Variants in CHRM2 observed in about 807,000 individuals in gnomAD.
CHRM2 encodes the protein muscarinic acetylcholine receptor M2.
In CHRM2, 8 loss-of-function variants were observed where a neutral mutation model predicts 25.0. The ratio of observed to expected loss-of-function variants is 0.32; its 90% confidence interval spans 0.19 to 0.58. The LOEUF (loss-of-function observed/expected upper bound fraction) is 0.58, where lower values mean the gene tolerates loss of function less well. Among genes scored for constraint, CHRM2 ranks in the 20% least tolerant of loss-of-function variants. The probability of loss-of-function intolerance (pLI) is 0.88; values close to 1 mark genes in which losing one functional copy is unlikely to be tolerated. For missense variants in CHRM2, 440 were observed against 567.1 expected (o/e 0.78, Z 2.28); for synonymous variants, 202 against 205.7 (o/e 0.98, Z 0.15).
chr7:136,901,539 T>C (rs1797206939), intron 2 of CHRM2, among the ~76,000 whole-genome samples: 1 of 152,008 alleles, frequency 6.6e-6, no homozygotes, highest in East Asian at 1.9e-4. Flanking sequence ...TCACCCGATC[T>C]TGTAGTGCAG....
At chr7:136,914,385 T>G (rs141780859) in intron 2 of CHRM2, 87 of 152,058 alleles carry the variant, frequency 5.7e-4, no homozygotes, top group African/African-American at 2.0e-3. Context: ...AGCCTGCCTA[T>G]TTCAGAGAAG....
intron 2 of CHRM2, among the ~76,000 whole-genome samples, chr7:136,971,431 C>G (rs1292392887): frequency 6.6e-6 from 1 of 151,998 alleles, no homozygotes; most frequent in East Asian, 1.9e-4. Context: ...GCCTGACCAA[C>G]ACGGTGAAAC....
intron 2 of CHRM2, among the ~76,000 whole-genome samples, chr7:136,966,724 T>TTA (rs1554427026): frequency 1.3e-5 from 2 of 151,826 alleles, no homozygotes; most frequent in East Asian, 1.9e-4. Flanking sequence ...TTTTTTTTTT[T>TTA]ACATAGTACT....
At chr7:136,930,873 G>C (rs1328364697) in intron 2 of CHRM2, among the ~76,000 whole-genome samples, 2 of 134,842 alleles carry the variant, frequency 1.5e-5, no homozygotes, top group Non-Finnish European at 3.1e-5. Flanking sequence ...CTCCAGCCTG[G>C]GCTACAGAGC....
intron 2 of CHRM2, among the ~76,000 whole-genome samples, chr7:136,890,876 T>C: frequency 6.6e-6 from 1 of 152,172 alleles, no homozygotes; most frequent in Non-Finnish European, 1.5e-5. Context: ...TTTGTATATA[T>C]GTGTATGTGT....
In CHRM2 at chr7:137,017,630, C is replaced by T. The variant is rs1805254825; in HGVS notation, c.*1364C>T. 6.6e-6 allele frequency: 1 copy of T among 151,936 alleles called. No homozygotes were observed. Among genetic ancestry groups the T allele is most frequent in the Admixed American group, 6.6e-5 (1 of 15,214 alleles). 9.4% of individuals were successfully genotyped at this position (151,936 alleles called of 1,614,324 possible). The stretch of plus-strand genomic sequence containing the variant: ...ATATTCCTCAAATTGTCAATTCTCC[C>T]TAACATTATTTAACTTCAAAATTCT... On this transcript the variant is annotated 3_prime_UTR_variant, in exon 4 of 4. Coordinates refer to ENST00000680005, the MANE Select transcript of CHRM2 (RefSeq NM_001006630.2).
intron 2 of CHRM2, among the ~76,000 whole-genome samples, chr7:136,973,852 G>A (rs1279203680): frequency 6.6e-6 from 1 of 151,984 alleles, no homozygotes; most frequent in African/African-American, 2.4e-5. Flanking sequence ...ATGGTTCTTG[G>A]GATGATTTTA....
intron 2 of CHRM2, among the ~76,000 whole-genome samples, chr7:136,954,603 G>A (rs999870033): frequency 6.6e-6 from 1 of 152,100 alleles, no homozygotes; most frequent in Non-Finnish European, 1.5e-5. Context: ...CATGAACAGT[G>A]AGTTCATGGA....
chr7:136,976,220 A>T (rs555002152), intron 2 of CHRM2, among the ~76,000 whole-genome samples: 1 of 152,266 alleles, frequency 6.6e-6, no homozygotes, highest in African/African-American at 2.4e-5. Context: ...ATTGTGGCCT[A>T]TGAAGTATTG....
At chr7:136,984,388 G>T (rs994915930) in intron 2 of CHRM2, among the ~76,000 whole-genome samples, 3 of 152,062 alleles carry the variant, frequency 2.0e-5, no homozygotes, top group Non-Finnish European at 4.4e-5. Context: ...CGTGGGTGTG[G>T]GATTTACTGA....
At chr7:137,006,613 T>C (rs1804444379) in intron 3 of CHRM2, among the ~76,000 whole-genome samples, 1 of 152,146 alleles carries the variant, frequency 6.6e-6, no homozygotes, top group African/African-American at 2.4e-5. Context: ...CAGTTTGCTT[T>C]ATCAGCTACT....
intron 2 of CHRM2, among the ~76,000 whole-genome samples, chr7:136,922,122 C>T (rs1283372336): frequency 6.6e-6 from 1 of 152,144 alleles, no homozygotes; most frequent in African/African-American, 2.4e-5. Context: ...CAACTGACCC[C>T]TGGGAGATGC....
At chr7:136,944,518 C>A (rs181430919) in intron 2 of CHRM2, among the ~76,000 whole-genome samples, 1 of 151,538 alleles carries the variant, frequency 6.6e-6, no homozygotes, top group African/African-American at 2.4e-5. Flanking sequence ...TACATATATA[C>A]GTGTGTGTGT....
intron 2 of CHRM2, among the ~76,000 whole-genome samples, chr7:136,923,030 G>A (rs1798537102): frequency 6.6e-6 from 1 of 152,102 alleles, no homozygotes; most frequent in Non-Finnish European, 1.5e-5. Context: ...CATGTTAAAT[G>A]CTTAGCAAAT....
intron 2 of CHRM2, among the ~76,000 whole-genome samples, chr7:136,940,404 T>C (rs1206962907): frequency 6.6e-6 from 1 of 152,246 alleles, no homozygotes; most frequent in African/African-American, 2.4e-5. Context: ...ATACTGCCTT[T>C]GTGATTGTCT....
rs199646681 is a variant in CHRM2, at chr7:137,003,078, TTGTCTA to T, written c.-47+10815_-47+10820del. On this transcript the variant is annotated intron_variant, in intron 3 of 3. Coordinates refer to ENST00000680005, the MANE Select transcript of CHRM2 (RefSeq NM_001006630.2). ...CCGTTTCAGGTTTAACTCCAAAGTC[TTGTCTA>T]CTGCGTTCACAGATGCATCACAGTT... is the stretch of plus-strand genomic sequence containing the variant. Among the ~76,000 whole-genome samples the T allele has an allele frequency of 9.5e-3, 1,441 of 152,242 alleles. 19 individuals are homozygous for T. The highest frequency in any genetic ancestry group is 0.033 in the African/African-American group (1,357 of 41,532).
At chr7:136,910,008 C>T (rs1797756995) in intron 2 of CHRM2, among the ~76,000 whole-genome samples, 1 of 151,710 alleles carries the variant, frequency 6.6e-6, no homozygotes, top group Non-Finnish European at 1.5e-5. Context: ...ACACACACAC[C>T]AAACGCTGTT....
chr7:136,888,326 A>T (rs1474794589), intron 2 of CHRM2, among the ~76,000 whole-genome samples: 1 of 152,082 alleles, frequency 6.6e-6, no homozygotes, highest in Non-Finnish European at 1.5e-5. Flanking sequence ...GTCCCTGCCC[A>T]TTGCTGCGCT....
intron 2 of CHRM2, among the ~76,000 whole-genome samples, chr7:136,934,269 C>A (rs1162087993): frequency 6.6e-6 from 1 of 152,074 alleles, no homozygotes; most frequent in African/African-American, 2.4e-5. Context: ...TCTTGTTCTT[C>A]CTTCTCTTGA....
Sources: allele counts gnomAD v4.1 joint callset (sites outside exome capture counted in the v4.1 genomes callset), GRCh38; gene constraint gnomAD v4.1.1; transcripts MANE v1.5; gene names NCBI Gene and HGNC (gene_info 2026-07-23, HGNC 2026-07-21).